The following BPTF variants were observed in gnomAD, a reference collection of about 807,000 sequenced individuals.
BPTF encodes nucleosome-remodeling factor subunit BPTF.
A neutral mutation model predicts 292.5 loss-of-function variants in BPTF; 18 were observed. The observed-to-expected ratio is 0.06, with a 90% confidence interval of 0.04 to 0.09. The LOEUF is 0.09. Among genes scored for constraint, BPTF ranks in the 10% least tolerant of loss-of-function variants. The pLI, the probability that BPTF is intolerant of heterozygous loss-of-function variation, is 1.00. For synonymous variants in BPTF, 1,225 were observed against 1,251.9 expected (o/e 0.98, Z 0.45); for missense variants, 2,726 against 3,498.7 (o/e 0.78, Z 5.57).
intron 24 of BPTF, among the ~76,000 whole-genome samples, chr17:67,961,694 C>T (rs1555684145): frequency 6.6e-6 from 1 of 152,042 alleles, no homozygotes. Flanking sequence ...AAAAAATTGG[C>T]CAGGCGTGGT....
intron 11 of BPTF, among the ~76,000 whole-genome samples, chr17:67,913,582 CAT>C (rs1215716328): frequency 6.6e-5 from 10 of 152,168 alleles, no homozygotes; most frequent in African/African-American, 1.2e-4. Flanking sequence ...AAAAATAAGA[CAT>C]AAACACGCCT....
intron 23 of BPTF, among the ~76,000 whole-genome samples, chr17:67,949,349 G>A (rs1292142323): frequency 2.0e-5 from 3 of 151,778 alleles, no homozygotes; most frequent in African/African-American, 7.3e-5. Flanking sequence ...AGCCGAGGCG[G>A]GTGGATCACG....
At position 67,900,001 on chromosome 17, in the gene BPTF, G is replaced by T. The variant is rs188844156; in HGVS notation, c.2544-3788G>T. 2.0e-5 allele frequency among the ~76,000 whole-genome samples: 3 copies of T among 152,208 alleles called. No homozygotes were observed. In the East Asian group the frequency reaches 5.8e-4, roughly 29 times the overall value. On this transcript the variant is annotated intron_variant, in intron 7 of 27. Coordinates refer to ENST00000306378, the MANE Select transcript of BPTF (RefSeq NM_182641.4). ...AGATAAAGTTCTGTTTCTTAACCTG[G>T]TTGCATTTTACATATTTTTGAAAAT... is the stretch of plus-strand genomic sequence containing the variant.
At chr17:67,935,293 G>A (rs969237534) in intron 18 of BPTF, among the ~76,000 whole-genome samples, 3 of 152,040 alleles carry the variant, frequency 2.0e-5, no homozygotes, top group Admixed American at 2.0e-4. Flanking sequence ...CAGGCGTGGT[G>A]GCACATGCCT....
At chr17:67,833,314 G>A (rs558098638) in intron 1 of BPTF, among the ~76,000 whole-genome samples, 1 of 151,304 alleles carries the variant, frequency 6.6e-6, no homozygotes, top group Admixed American at 6.6e-5. Flanking sequence ...CCTGGACTCA[G>A]GCAATCTTCC....
chr17:67,953,187 T>C (rs1465457836), intron 23 of BPTF, among the ~76,000 whole-genome samples: 5 of 151,964 alleles, frequency 3.3e-5, no homozygotes, highest in South Asian at 2.1e-4. Flanking sequence ...GGTCTCGATC[T>C]CCTGACCTTG....
At position 67,905,710 on chromosome 17, in the gene BPTF, TA is replaced by T. The variant is rs1007580615; in HGVS notation, c.2812+881del. 1.7e-3 allele frequency among the ~76,000 whole-genome samples: 248 copies of T among 147,934 alleles called. 1 individual carries two copies. The highest frequency in any genetic ancestry group is 2.6e-3 in the Non-Finnish European group (173 of 66,550). ...GATGACAGAACCAGACTCAATCTCT[TA>T]AAAAAAAAAATCTTAATTCAGTACT... On this transcript the variant is annotated intron_variant, in intron 9 of 27. Coordinates refer to ENST00000306378, the MANE Select transcript of BPTF (RefSeq NM_182641.4).
chr17:67,898,760 G>A (rs1598504513), intron 7 of BPTF, among the ~76,000 whole-genome samples: 1 of 142,698 alleles, frequency 7.0e-6, no homozygotes, highest in African/African-American at 2.6e-5. Context: ...GAACAAAAAA[G>A]ATACCCACTA....
At chr17:67,940,710 G>A (rs1362270770) in intron 19 of BPTF, 54 bp downstream of exon 19, 22 of 1,541,660 alleles carry the variant, frequency 1.4e-5, no homozygotes, top group Admixed American at 1.8e-5. Context: ...TTATTCTTGC[G>A]GTAAGTTTAA....
At chr17:67,852,933 C>T (rs922609785) in intron 1 of BPTF, among the ~76,000 whole-genome samples, 30 of 152,138 alleles carry the variant, frequency 2.0e-4, no homozygotes, top group East Asian at 7.7e-4. Context: ...GTCAGGAGTT[C>T]GAGACCAGCC....
chr17:67,837,621 A>G (rs2057235143), intron 1 of BPTF, among the ~76,000 whole-genome samples: 1 of 151,862 alleles, frequency 6.6e-6, no homozygotes, highest in African/African-American at 2.4e-5. Flanking sequence ...TGTTGGCCAG[A>G]CTCATCTGGA....
intron 1 of BPTF, 46 bp from the exon 2 acceptor site, chr17:67,853,894 T>G: frequency 7.0e-7 from 1 of 1,434,334 alleles, no homozygotes; most frequent in Non-Finnish European, 9.5e-7. Flanking sequence ...TTTGTAGAAA[T>G]GATGTAATGT....
Position 67,982,262 on chromosome 17 carries a change from A to G in BPTF, c.8737A>G (p.Asn2913Asp). 1 of 1,611,770 alleles carries G rather than the reference A, an allele frequency of 6.2e-7. No individual in the cohort carries two copies. Among genetic ancestry groups the G allele is most frequent in the Non-Finnish European group, 8.5e-7 (1 of 1,178,384 alleles). Reference protein sequence around the residue: ...KGFKASRSHNNKLQSTAS With the variant: ...KGFKASRSHNDKLQSTAS Reference sequence around the variant, plus strand: ...TTCTATATTCTGTAGGTCTCATAACAACAAACTGCAGTCTACAGCTTCTTA... The same window carrying G: ...TTCTATATTCTGTAGGTCTCATAACGACAAACTGCAGTCTACAGCTTCTTA... Residue 2913 changes from asparagine (N) to aspartate (D), a missense_variant, in exon 28 of 28, where the codon AAC (asparagine) becomes GAC (aspartate). Asn to Asp is a conservative substitution (Grantham distance 23). Transcript: ENST00000306378.
At chr17:67,861,939 A>G (rs2145301751) in intron 2 of BPTF, among the ~76,000 whole-genome samples, 2 of 152,114 alleles carry the variant, frequency 1.3e-5, no homozygotes, top group East Asian at 3.9e-4. Context: ...ATCGTGAAAT[A>G]CTACTTTTTA....
chr17:67,909,436 T>C, intron 9 of BPTF, 146 bp from the exon 10 acceptor site: 2 of 594,616 alleles, frequency 3.4e-6, no homozygotes, highest in East Asian at 3.2e-5. Flanking sequence ...TTATACTCAA[T>C]AAGACCTTTG....
chr17:67,843,722 A>G (rs958063776), intron 1 of BPTF, among the ~76,000 whole-genome samples: 1 of 144,848 alleles, frequency 6.9e-6, no homozygotes, highest in Non-Finnish European at 1.5e-5. Context: ...CTTTTGTGAT[A>G]ATGAGATTTT....
intron 27 of BPTF, among the ~76,000 whole-genome samples, chr17:67,981,157 T>TCAAAA (rs538134114): frequency 1.6e-4 from 25 of 152,324 alleles, no homozygotes; most frequent in African/African-American, 4.3e-4. Context: ...AGACCTTGTT[T>TCAAAA]CAAAACAAAA....
rs1031812953 is a variant in BPTF at position 67,910,916 on chromosome 17, G to A, written c.3032G>A (p.Cys1011Tyr). The A allele has an allele frequency of 7.4e-6, 12 of 1,612,874 alleles. No homozygotes were observed. Among genetic ancestry groups the A allele is most frequent in the Admixed American group, 1.7e-5 (1 of 59,894 alleles). The change falls in exon 11 of 28, where the codon TGC becomes TAC. Residue 1011 changes from cysteine (C) to tyrosine (Y), a missense_variant. This residue lies in a region of BPTF where 713 missense variants were observed against 714.9 expected (regional missense o/e 1.00). Transcript: ENST00000306378. ...TTAGATTCTGACAGTGATAAACCCT[G>A]CAAGGAAGAACCAATGGAAGTAGAC... The part of the protein sequence containing the change: ...ELLDSDSDKP[C>Y]KEEPMEVDDD...
intron 2 of BPTF, among the ~76,000 whole-genome samples, chr17:67,865,688 A>G (rs1230189831): frequency 2.0e-5 from 3 of 152,186 alleles, no homozygotes; most frequent in Non-Finnish European, 4.4e-5. Context: ...CAGAAATACC[A>G]TTATATGTGT....
Sources: gnomAD v4.1 joint callset for allele counts (sites outside exome capture counted in the v4.1 genomes callset) on GRCh38, gnomAD v4.1.1 for gene constraint, gnomAD v4.1.1 regional missense constraint, MANE v1.5 for transcripts, NCBI Gene and HGNC (gene_info 2026-07-23, HGNC 2026-07-21) for gene names.